Variants in ELMO1 observed in about 807,000 individuals in gnomAD.
The protein encoded by ELMO1 is engulfment and cell motility 1.
Under a neutral mutation model 98.9 loss-of-function variants are expected in ELMO1, and 26 were observed. The ratio of observed to expected loss-of-function variants is 0.26; its 90% CI spans 0.19 to 0.36. ELMO1 has a LOEUF of 0.36. Ranked by LOEUF, ELMO1 falls within the 10% of genes least tolerant of loss-of-function variation. The pLI, the probability that ELMO1 is intolerant of heterozygous loss-of-function variation, is 1.00. For missense variants in ELMO1, 627 were observed against 935.2 expected (o/e 0.67, Z 4.30); for synonymous variants, 346 against 346.0 (o/e 1.00, Z 0.00).
intron 16 of ELMO1, among the ~76,000 whole-genome samples, chr7:36,943,169 C>T (rs1004782921): frequency 9.2e-5 from 14 of 152,144 alleles, no homozygotes; most frequent in African/African-American, 3.1e-4. Flanking sequence ...TGCAGCGGGT[C>T]GAGGTGGGTG....
At chr7:37,344,381 T>C (rs117129735) in intron 1 of ELMO1, among the ~76,000 whole-genome samples, 42 of 152,268 alleles carry the variant, frequency 2.8e-4, no homozygotes, top group East Asian at 2.3e-3. Context: ...TAAATCCTTC[T>C]ATGTTAGTAC....
chr7:37,019,570 A>G (rs1386042673), intron 15 of ELMO1, among the ~76,000 whole-genome samples: 1 of 152,232 alleles, frequency 6.6e-6, no homozygotes, highest in Non-Finnish European at 1.5e-5. Flanking sequence ...CCTAAGTCTA[A>G]GAATAGAGTT....
intron 4 of ELMO1, among the ~76,000 whole-genome samples, chr7:37,287,061 C>T (rs1008033131): frequency 1.3e-5 from 2 of 151,890 alleles, no homozygotes; most frequent in Admixed American, 1.3e-4. Context: ...GGCGTGGTGG[C>T]ATATGCCTAT....
chr7:36,995,423 G>A (rs12669640), intron 16 of ELMO1, among the ~76,000 whole-genome samples: 4 of 151,676 alleles, frequency 2.6e-5, no homozygotes, highest in Admixed American at 1.3e-4. Context: ...CAGGAGAATC[G>A]CTTGAACCCA....
chr7:37,058,623 C>A (rs1203893019), intron 15 of ELMO1, among the ~76,000 whole-genome samples: 1 of 152,148 alleles, frequency 6.6e-6, no homozygotes, highest in Non-Finnish European at 1.5e-5. Flanking sequence ...TTTGAAGGTT[C>A]TATGAGGGCT....
chr7:36,996,782 G>A lies in ELMO1; in HGVS notation c.1437+16517C>T, dbSNP rs142741668. 3.1e-3 allele frequency among the ~76,000 whole-genome samples: 474 copies of A among 152,312 alleles called. 5 individuals are homozygous for A. Among genetic ancestry groups the A allele is most frequent in the African/African-American group, 0.011 (459 of 41,562 alleles). ...ACAGGCAGATTTTTCACCGGAAAGA[G>A]TGAAGGTTCCTCCTTGCTGAGGGAA... On this transcript the variant is annotated intron_variant, in intron 16 of 21. Coordinates refer to ENST00000310758, the MANE Select transcript of ELMO1 (RefSeq NM_014800.11).
At chr7:37,018,883 C>T (rs1396700453) in intron 15 of ELMO1, among the ~76,000 whole-genome samples, 1 of 152,150 alleles carries the variant, frequency 6.6e-6, no homozygotes, top group East Asian at 1.9e-4. Flanking sequence ...CTTAAAGACT[C>T]CAACAATTCT....
chr7:37,178,070 C>A lies in ELMO1; in HGVS notation c.1086+33316G>T, dbSNP rs539361711. Among the ~76,000 whole-genome samples, 48 of 151,594 alleles carry A rather than the reference C, an allele frequency of 3.2e-4. No homozygotes were observed. In the South Asian group the frequency reaches 9.9e-3, roughly 31 times the overall value. Reference sequence around the variant, plus strand: ...CTGGTGAAGCATTATCTCGGTGTGTCTGTGAGTGTGTTTCTGGGAGGGATT... The same window carrying A: ...CTGGTGAAGCATTATCTCGGTGTGTATGTGAGTGTGTTTCTGGGAGGGATT... On this transcript the variant is annotated intron_variant, in intron 13 of 21. Transcript: ENST00000310758.
chr7:36,887,152 G>A (rs749830299), intron 18 of ELMO1, among the ~76,000 whole-genome samples: 1 of 152,162 alleles, frequency 6.6e-6, no homozygotes, highest in Non-Finnish European at 1.5e-5. Context: ...CACAATCCTA[G>A]TAGTTACTTC....
chr7:37,358,357 T>C (rs1473569172), intron 1 of ELMO1, among the ~76,000 whole-genome samples: 1 of 152,232 alleles, frequency 6.6e-6, no homozygotes, highest in African/African-American at 2.4e-5. Flanking sequence ...AGGACTCTAT[T>C]GTGCCAAAAC....
chr7:37,326,034 CT>C (rs1799781731), intron 2 of ELMO1, among the ~76,000 whole-genome samples: 2 of 152,208 alleles, frequency 1.3e-5, no homozygotes, highest in African/African-American at 4.8e-5. Flanking sequence ...TCTGAAAAGG[CT>C]GTGTCTATAC....
chr7:37,138,122 G>C (rs1217792191), intron 13 of ELMO1, among the ~76,000 whole-genome samples: 1 of 151,920 alleles, frequency 6.6e-6, no homozygotes, highest in Non-Finnish European at 1.5e-5. Context: ...GCCTACATCG[G>C]AAGTCTGAAA....
intron 14 of ELMO1, among the ~76,000 whole-genome samples, chr7:37,108,503 C>T (rs546221303): frequency 9.2e-5 from 14 of 152,334 alleles, no homozygotes; most frequent in African/African-American, 3.4e-4. Context: ...TTTTTTCATT[C>T]ACATGGCCAC....
intron 16 of ELMO1, among the ~76,000 whole-genome samples, chr7:36,971,268 C>T (rs968341698): frequency 2.6e-5 from 4 of 152,012 alleles, no homozygotes; most frequent in African/African-American, 9.7e-5. Context: ...TTTGTGGAGG[C>T]GAGAGAAAGT....
At chr7:37,254,805 T>C (rs1329116737) in intron 6 of ELMO1, among the ~76,000 whole-genome samples, 1 of 152,232 alleles carries the variant, frequency 6.6e-6, no homozygotes, top group Non-Finnish European at 1.5e-5. Flanking sequence ...GATACTCCTT[T>C]TTTTAAGAAA....
At chr7:37,104,840 C>G (rs1784852624) in intron 14 of ELMO1, among the ~76,000 whole-genome samples, 1 of 151,140 alleles carries the variant, frequency 6.6e-6, no homozygotes, top group Admixed American at 6.6e-5. Flanking sequence ...TATAATGAGT[C>G]AGACTGGTGG....
At chr7:37,107,605 G>A (rs1270486901) in intron 14 of ELMO1, among the ~76,000 whole-genome samples, 3 of 152,154 alleles carry the variant, frequency 2.0e-5, no homozygotes, top group Non-Finnish European at 4.4e-5. Context: ...CTCCTTCACC[G>A]GAGTGCAAAG....
intron 1 of ELMO1, among the ~76,000 whole-genome samples, chr7:37,384,045 G>C (rs938374674): frequency 3.9e-5 from 6 of 152,176 alleles, no homozygotes; most frequent in Non-Finnish European, 7.3e-5. Flanking sequence ...TCGATCTCCT[G>C]ACCTCGTGAT....
intron 1 of ELMO1, among the ~76,000 whole-genome samples, chr7:37,412,661 C>G (rs564829509): frequency 9.2e-5 from 14 of 152,186 alleles, no homozygotes; most frequent in African/African-American, 3.4e-4. Flanking sequence ...AAAGGTGAAC[C>G]CTCTTCCCCT....
Sources: allele counts gnomAD v4.1 joint callset (sites outside exome capture counted in the v4.1 genomes callset), GRCh38; gene constraint gnomAD v4.1.1; transcripts MANE v1.5; gene names NCBI Gene and HGNC (gene_info 2026-07-23, HGNC 2026-07-21).